Variants in USP34 observed in about 807,000 individuals in gnomAD.
USP34 encodes ubiquitin specific peptidase 34, also known as ubiquitin carboxyl-terminal hydrolase 34.
A neutral mutation model predicts 460.3 loss-of-function variants in USP34; 70 were observed. That is an observed-to-expected ratio of 0.15 (90% CI 0.13 to 0.19). USP34 has a LOEUF of 0.19. Among genes scored for constraint, USP34 ranks in the 10% least tolerant of loss-of-function variants. USP34 has a pLI of 1.00. For missense variants in USP34, 3,985 were observed against 4,236.2 expected (o/e 0.94, Z 1.65); for synonymous variants, 1,647 against 1,405.3 (o/e 1.17, Z -3.85).
intron 41 of USP34, among the ~76,000 whole-genome samples, chr2:61,273,087 C>T (rs949700044): frequency 6.6e-6 from 1 of 152,094 alleles, no homozygotes; most frequent in African/African-American, 2.4e-5. Flanking sequence ...AGTTAAAAAA[C>T]ATAAGCAATG....
chr2:61,350,191 G>C (rs575631316), intron 12 of USP34, 69 bp downstream of exon 12: 65 of 1,470,404 alleles, frequency 4.4e-5, no homozygotes, highest in Non-Finnish European at 6.0e-5. Context: ...GAATGTATTA[G>C]CAGAAAATAT....
At chr2:61,416,569 GAAAAAA>G (rs1048929276) in intron 2 of USP34, among the ~76,000 whole-genome samples, 1 of 151,596 alleles carries the variant, frequency 6.6e-6, no homozygotes, top group African/African-American at 2.4e-5. Flanking sequence ...CAAAGAAAAA[GAAAAAA>G]AATCAACACT....
chr2:61,217,782 G>A (rs1274893033), intron 67 of USP34, among the ~76,000 whole-genome samples: 6 of 151,870 alleles, frequency 4.0e-5, no homozygotes, highest in African/African-American at 7.3e-5. Context: ...GTGAAACCCC[G>A]TCTCTACTAA....
intron 69 of USP34, 100 bp from the exon 70 acceptor site, chr2:61,209,077 C>G: frequency 1.6e-6 from 1 of 617,316 alleles, no homozygotes. Context: ...TTTAAGCTCT[C>G]TGCTTTCCTA....
At chr2:61,335,123 G>A (rs188406458) in intron 18 of USP34, among the ~76,000 whole-genome samples, 1 of 152,228 alleles carries the variant, frequency 6.6e-6, no homozygotes, top group East Asian at 1.9e-4. Flanking sequence ...ATAAAACACA[G>A]AATGGGAAAG....
At chr2:61,385,159 CAT>C (rs549592630) in intron 5 of USP34, among the ~76,000 whole-genome samples, 200 of 152,144 alleles carry the variant, frequency 1.3e-3, no homozygotes, top group Non-Finnish European at 2.3e-3. Context: ...TCAAAAATAT[CAT>C]GTGTCTAGGA....
At chr2:61,414,551 T>C (rs1362026744) in intron 2 of USP34, among the ~76,000 whole-genome samples, 6 of 152,162 alleles carry the variant, frequency 3.9e-5, no homozygotes, top group Non-Finnish European at 8.8e-5. Flanking sequence ...CAAAATGGAA[T>C]CCAGGAAACT....
chr2:61,413,674 AT>A (rs1173980941), intron 2 of USP34, among the ~76,000 whole-genome samples: 2 of 129,542 alleles, frequency 1.5e-5, no homozygotes, highest in Admixed American at 8.2e-5. Context: ...AATTAAAAAA[AT>A]AAAAAATAAA....
intron 1 of USP34, among the ~76,000 whole-genome samples, chr2:61,454,677 GTAGCCAAGAT>G (rs1695380036): frequency 6.6e-6 from 1 of 151,812 alleles, no homozygotes; most frequent in South Asian, 2.1e-4. Flanking sequence ...AGCCTCCCGA[GTAGCCAAGAT>G]TACAGGGGCC....
chr2:61,419,940 G>A (rs1414927298), intron 2 of USP34, among the ~76,000 whole-genome samples: 1 of 152,116 alleles, frequency 6.6e-6, no homozygotes, highest in Admixed American at 6.6e-5. Flanking sequence ...AATCTACAAA[G>A]TCTTTTGCAA....
chr2:61,219,511 A>G (rs1687496848), intron 67 of USP34, among the ~76,000 whole-genome samples: 1 of 152,102 alleles, frequency 6.6e-6, no homozygotes, highest in Admixed American at 6.5e-5. Flanking sequence ...TCTCTACTAA[A>G]AATACAAAAA....
chr2:61,272,196 G>A (rs969288613), intron 41 of USP34, among the ~76,000 whole-genome samples: 1 of 152,138 alleles, frequency 6.6e-6, no homozygotes, highest in Non-Finnish European at 1.5e-5. Flanking sequence ...CAGATCGTGA[G>A]GTCAGGATAT....
chr2:61,276,828 A>T (rs368835948), intron 41 of USP34, among the ~76,000 whole-genome samples: 1 of 152,206 alleles, frequency 6.6e-6, no homozygotes, highest in Admixed American at 6.5e-5. Context: ...TTTCAAACAG[A>T]TAAGACTGTA....
At position 61,188,246 on chromosome 2, in the gene USP34, A is replaced by G. The variant is rs745508469; in HGVS notation, c.10497T>C (p.Ala3499=). The change falls in exon 80 of 80, where the codon GCT becomes GCC. Residue 3499 remains alanine (A), a synonymous_variant. Transcript: ENST00000398571. ...TGGAATGGCCACAACTGAGAGATAAAGCAACCTCAGGGTCCTGGGAGGGCA... is the reference window on the plus strand; with the variant it reads ...TGGAATGGCCACAACTGAGAGATAAGGCAACCTCAGGGTCCTGGGAGGGCA... ...QALPSQDPEV[A]LSLSCGHSRG... The G allele has an allele frequency of 7.4e-6, 12 of 1,614,060 alleles. No homozygotes were observed. The highest frequency in any genetic ancestry group is 4.0e-5 in the African/African-American group (3 of 74,930).
chr2:61,270,271 G>A (rs968290582), intron 41 of USP34, among the ~76,000 whole-genome samples: 4 of 152,132 alleles, frequency 2.6e-5, no homozygotes, highest in Admixed American at 2.6e-4. Context: ...TCATGAGAAG[G>A]TGCCATCCGT....
intron 1 of USP34, among the ~76,000 whole-genome samples, chr2:61,453,700 G>C (rs1363809785): frequency 8.1e-6 from 1 of 123,800 alleles, no homozygotes; most frequent in African/African-American, 3.2e-5. Flanking sequence ...AAGCAACAGA[G>C]TGACATTCCA....
At chr2:61,264,320 A>G (rs969902307) in intron 43 of USP34, among the ~76,000 whole-genome samples, 4 of 152,184 alleles carry the variant, frequency 2.6e-5, no homozygotes, top group African/African-American at 9.6e-5. Context: ...CTTAACAGGG[A>G]AAAAGAAATC....
chr2:61,205,303 C>G (rs772697670), intron 72 of USP34, among the ~76,000 whole-genome samples: 3 of 152,136 alleles, frequency 2.0e-5, no homozygotes, highest in Admixed American at 6.5e-5. Context: ...TTCTCAATCT[C>G]CAATCACACA....
intron 66 of USP34, 71 bp from the exon 67 acceptor site, chr2:61,220,528 ATATGC>A (rs755437673): frequency 1.3e-5 from 18 of 1,401,600 alleles, no homozygotes; most frequent in Non-Finnish European, 1.7e-5. Flanking sequence ...TACTTTTTGT[ATATGC>A]TATTAGACAC....
Sources: gnomAD v4.1 joint callset for allele counts (sites outside exome capture counted in the v4.1 genomes callset) on GRCh38, gnomAD v4.1.1 for gene constraint, MANE v1.5 for transcripts, NCBI Gene and HGNC (gene_info 2026-07-23, HGNC 2026-07-21) for gene names.